Variants in GPC5 observed in about 807,000 individuals in gnomAD.
GPC5 encodes glypican 5.
In GPC5, 47 loss-of-function variants were observed where a neutral mutation model predicts 53.9. That is an observed-to-expected ratio of 0.87 (90% CI 0.69 to 1.11). The LOEUF is 1.11. Among genes scored for constraint, GPC5 ranks in the 50% most tolerant of loss-of-function variants. GPC5 has a pLI of 0.00. For synonymous variants in GPC5, 286 were observed against 263.3 expected, an observed-to-expected ratio of 1.09 and a Z score of -0.84; for missense variants, 748 against 713.1, an observed-to-expected ratio of 1.05 and a Z score of -0.56.
At chr13:92,402,107 G>C (rs1875585246) in intron 7 of GPC5, among the ~76,000 whole-genome samples, 1 of 152,120 alleles carries the variant, frequency 6.6e-6, no homozygotes, top group Non-Finnish European at 1.5e-5. Flanking sequence ...ACTTTGTTGA[G>C]TAGGAGTGAA....
chr13:91,748,881 A>C (rs2037108573), intron 4 of GPC5, among the ~76,000 whole-genome samples: 1 of 152,110 alleles, frequency 6.6e-6, no homozygotes, highest in Non-Finnish European at 1.5e-5. Context: ...AATCTTGTTC[A>C]GTAAATATTG....
At chr13:92,466,806 T>A (rs1192101655) in intron 7 of GPC5, among the ~76,000 whole-genome samples, 1 of 152,044 alleles carries the variant, frequency 6.6e-6, no homozygotes, top group African/African-American at 2.4e-5. Context: ...GGTATGGGGT[T>A]AATACCGTAA....
At chr13:92,521,245 A>G (rs984131445) in intron 7 of GPC5, among the ~76,000 whole-genome samples, 2 of 152,194 alleles carry the variant, frequency 1.3e-5, no homozygotes, top group Non-Finnish European at 2.9e-5. Flanking sequence ...CGAGCTACCA[A>G]TGAGTTTCTT....
At chr13:91,906,810 C>A (rs534233074) in intron 5 of GPC5, among the ~76,000 whole-genome samples, 2 of 151,918 alleles carry the variant, frequency 1.3e-5, no homozygotes, top group South Asian at 2.1e-4. Context: ...GGTGAAATGA[C>A]CCTTTTACAT....
chr13:92,423,940 GA>G (rs1566584316), intron 7 of GPC5, among the ~76,000 whole-genome samples: 1 of 152,062 alleles, frequency 6.6e-6, no homozygotes, highest in Non-Finnish European at 1.5e-5. Flanking sequence ...ATATTAAAGG[GA>G]GCATTTCCAT....
chr13:92,070,650 T>G (rs996683136), intron 6 of GPC5, among the ~76,000 whole-genome samples: 4 of 152,190 alleles, frequency 2.6e-5, no homozygotes, highest in African/African-American at 9.7e-5. Context: ...TGAATACATA[T>G]AGAACACACT....
At chr13:91,411,988 T>C (rs1877828601) in intron 1 of GPC5, among the ~76,000 whole-genome samples, 1 of 152,228 alleles carries the variant, frequency 6.6e-6, no homozygotes, top group African/African-American at 2.4e-5. Flanking sequence ...TAATCATGCT[T>C]CTGTTAAATG....
intron 6 of GPC5, among the ~76,000 whole-genome samples, chr13:92,140,195 A>G (rs756875666): frequency 6.6e-6 from 1 of 152,228 alleles, no homozygotes; most frequent in Non-Finnish European, 1.5e-5. Flanking sequence ...AGAAGAATGT[A>G]AAAGAAGCAT....
At chr13:92,804,691 C>A (rs1235577258) in intron 7 of GPC5, among the ~76,000 whole-genome samples, 1 of 151,970 alleles carries the variant, frequency 6.6e-6, no homozygotes, top group Non-Finnish European at 1.5e-5. Context: ...ACAATGAAGT[C>A]TGCCACAGCA....
At chr13:92,244,480 C>T (rs116857777) in intron 7 of GPC5, among the ~76,000 whole-genome samples, 3,521 of 152,250 alleles carry the variant, frequency 0.023, 49 homozygotes, top group Non-Finnish European at 0.038. Flanking sequence ...TTAGAACCCA[C>T]TGTGTTCCCT....
At chr13:91,870,029 A>T (rs1196722995) in intron 5 of GPC5, among the ~76,000 whole-genome samples, 1 of 152,186 alleles carries the variant, frequency 6.6e-6, no homozygotes, top group East Asian at 1.9e-4. Flanking sequence ...ACCATATCAC[A>T]TAATATTAGT....
Position 91,403,292 on chromosome 13 carries a change from G to A in GPC5, c.163+4083G>A, listed in dbSNP as rs539413758. The stretch of plus-strand genomic sequence containing the variant: ...AATTAGATTCATTTTGTTTGTTGCA[G>A]CAAGGGAGATTGCACACCAAAGGGA... On this transcript the variant is annotated intron_variant, in intron 1 of 7. Coordinates refer to ENST00000377067, the MANE Select transcript of GPC5 (RefSeq NM_004466.6). 3.3e-5 allele frequency among the ~76,000 whole-genome samples: 5 copies of A among 152,342 alleles called. No homozygotes were observed. The East Asian group carries it at 9.6e-4, about 29-fold the overall frequency.
At chr13:91,629,222 A>G (rs2034091610) in intron 2 of GPC5, among the ~76,000 whole-genome samples, 1 of 152,180 alleles carries the variant, frequency 6.6e-6, no homozygotes, top group Admixed American at 6.6e-5. Flanking sequence ...CAGAAGAGAA[A>G]ACTTAGACTT....
intron 2 of GPC5, among the ~76,000 whole-genome samples, chr13:91,667,479 T>G (rs543423941): frequency 6.6e-6 from 1 of 152,318 alleles, no homozygotes; most frequent in South Asian, 2.1e-4. Flanking sequence ...CTCAACCAAA[T>G]TCCCAAAGTT....
Position 91,997,701 on chromosome 13 carries a change from G to A in GPC5, c.1401+89644G>A, listed in dbSNP as rs371600685. ...ACACAGCTAATTTTTTGTCTTTTTA[G>A]TAGAGACGGGGTTTCACCATGTTGG... On this transcript the variant is annotated intron_variant, in intron 6 of 7. Transcript: ENST00000377067. Among the ~76,000 whole-genome samples the A allele has an allele frequency of 4.6e-5, 7 of 152,164 alleles. No homozygotes were observed. The East Asian group carries it at 1.4e-3, about 29-fold the overall frequency.
chr13:92,262,454 T>C (rs188629031), intron 7 of GPC5, among the ~76,000 whole-genome samples: 1 of 152,318 alleles, frequency 6.6e-6, no homozygotes, highest in Admixed American at 6.5e-5. Flanking sequence ...AGAAAATAGA[T>C]GTGCCATTCT....
intron 6 of GPC5, among the ~76,000 whole-genome samples, chr13:92,111,612 A>G (rs569693295): frequency 5.9e-5 from 9 of 152,242 alleles, no homozygotes; most frequent in South Asian, 4.1e-4. Context: ...CAACAATGCT[A>G]TCGCATAAGT....
intron 7 of GPC5, among the ~76,000 whole-genome samples, chr13:92,386,219 T>A (rs573007357): frequency 6.6e-6 from 1 of 152,064 alleles, no homozygotes; most frequent in African/African-American, 2.4e-5. Flanking sequence ...TAATGTGAGC[T>A]TCAGGCAATT....
chr13:91,831,116 G>A (rs972117717), intron 5 of GPC5, among the ~76,000 whole-genome samples: 3 of 140,846 alleles, frequency 2.1e-5, no homozygotes, highest in African/African-American at 8.0e-5. Context: ...TAATATGAAT[G>A]TATATATATG....
Sources: allele counts gnomAD v4.1 joint callset (sites outside exome capture counted in the v4.1 genomes callset), GRCh38; gene constraint gnomAD v4.1.1; transcripts MANE v1.5; gene names NCBI Gene and HGNC (gene_info 2026-07-23, HGNC 2026-07-21).